Variants in CCDC146 observed in about 807,000 individuals in gnomAD.
The protein encoded by CCDC146 is coiled-coil domain containing 146.
A neutral mutation model predicts 119.3 loss-of-function variants in CCDC146; 92 were observed. The observed-to-expected ratio is 0.77, with a 90% CI of 0.65 to 0.92. CCDC146 has a LOEUF of 0.92. CCDC146 is among the 40% of genes least tolerant of loss of function. The probability of loss-of-function intolerance (pLI) is 0.00; values close to 1 mark genes in which losing one functional copy is unlikely to be tolerated. For synonymous variants in CCDC146, 372 were observed against 371.8 expected (o/e 1.00, Z -0.01); for missense variants, 1,000 against 1,103.0 (o/e 0.91, Z 1.32).
intron 2 of CCDC146, among the ~76,000 whole-genome samples, chr7:77,179,711 CA>C (rs997818760): frequency 6.6e-6 from 1 of 151,324 alleles, no homozygotes; most frequent in Non-Finnish European, 1.5e-5. Context: ...TTTGCTCGTT[CA>C]AAAAAAACCT....
At chr7:77,222,822 G>A (rs1011991142) in intron 2 of CCDC146, among the ~76,000 whole-genome samples, 2 of 152,216 alleles carry the variant, frequency 1.3e-5, no homozygotes, top group African/African-American at 4.8e-5. Context: ...TGCACCGGTG[G>A]TGGAGCCTCT....
intron 2 of CCDC146, among the ~76,000 whole-genome samples, chr7:77,188,498 C>T (rs1431334320): frequency 6.6e-6 from 1 of 152,144 alleles, no homozygotes; most frequent in Non-Finnish European, 1.5e-5. Flanking sequence ...AAAGGTTTTT[C>T]GATCTGTGCC....
chr7:77,133,255 C>A lies in CCDC146; in HGVS notation c.-12+10523C>A, dbSNP rs145267588. ...AACTTGAAAGAGAAGAGAACCTCCT[C>A]CAACAACAGGCATCTGTGAAAAATT... On this transcript the variant is annotated intron_variant, in intron 1 of 18. Transcript: ENST00000285871. 2.7e-3 allele frequency among the ~76,000 whole-genome samples: 413 copies of A among 152,320 alleles called. 6 individuals carry two copies. In the East Asian group the frequency reaches 0.031, roughly 12 times the overall value.
At chr7:77,208,526 A>G (rs117447443) in intron 2 of CCDC146, among the ~76,000 whole-genome samples, 2 of 152,364 alleles carry the variant, frequency 1.3e-5, no homozygotes, top group Non-Finnish European at 2.9e-5. Flanking sequence ...TTATGGCACC[A>G]CCATCCTATA....
chr7:77,278,578 T>G (rs1323863750), intron 11 of CCDC146, among the ~76,000 whole-genome samples, 174 bp from the exon 12 acceptor site: 1 of 151,732 alleles, frequency 6.6e-6, no homozygotes, highest in Non-Finnish European at 1.5e-5. Context: ...CCTGAGTAGC[T>G]GGGACTACAG....
chr7:77,122,960 G>T (rs569020476), intron 1 of CCDC146, among the ~76,000 whole-genome samples: 1 of 150,130 alleles, frequency 6.7e-6, no homozygotes, highest in African/African-American at 2.5e-5. Flanking sequence ...GCTCCGTCCT[G>T]ACCCTAAGTG....
intron 2 of CCDC146, among the ~76,000 whole-genome samples, chr7:77,211,669 G>A (rs1792187016): frequency 6.6e-6 from 1 of 151,968 alleles, no homozygotes; most frequent in East Asian, 1.9e-4. Flanking sequence ...AGGCTGGAGT[G>A]CAGTGGCGTG....
chr7:77,186,294 A>T (rs1304839665), intron 2 of CCDC146, among the ~76,000 whole-genome samples: 1 of 152,176 alleles, frequency 6.6e-6, no homozygotes, highest in Non-Finnish European at 1.5e-5. Flanking sequence ...CACACTATAG[A>T]GTACTATACA....
chr7:77,175,987 C>T (rs923592952), intron 2 of CCDC146, among the ~76,000 whole-genome samples: 2 of 151,126 alleles, frequency 1.3e-5, no homozygotes, highest in South Asian at 4.2e-4. Flanking sequence ...GAAAGGGAGG[C>T]TTGACTGCTG....
At chr7:77,188,602 C>G (rs1791708406) in intron 2 of CCDC146, among the ~76,000 whole-genome samples, 2 of 152,118 alleles carry the variant, frequency 1.3e-5, no homozygotes, top group Admixed American at 6.6e-5. Flanking sequence ...ACCCCACTCT[C>G]CTAAGGTGGT....
intron 1 of CCDC146, among the ~76,000 whole-genome samples, chr7:77,133,120 G>A (rs1437412968): frequency 6.6e-6 from 1 of 151,878 alleles, no homozygotes; most frequent in Non-Finnish European, 1.5e-5. Flanking sequence ...GCGGTGAACC[G>A]AGATCACGCC....
In CCDC146 at chr7:77,262,168, A is replaced by G. The variant is rs1109968; in HGVS notation, c.1034A>G (p.Asn345Ser). Residue 345 changes from asparagine (N) to serine (S), a missense_variant, in exon 9 of 19, where the codon AAC (asparagine) becomes AGC (serine). Coordinates refer to ENST00000285871, the MANE Select transcript of CCDC146 (RefSeq NM_020879.3). The part of the protein sequence containing the change: ...NLRNSLIDKQ[N>S]YHDELSRKQR... Reference sequence around the variant, plus strand: ...CGCAACAGTCTCATTGACAAGCAGAACTACCATGATGAACTTTCTCGTAAG... The same window carrying G: ...CGCAACAGTCTCATTGACAAGCAGAGCTACCATGATGAACTTTCTCGTAAG... 115,673 of 1,613,112 alleles carry G rather than the reference A, an allele frequency of 0.072. 9,565 individuals are homozygous for G. Among genetic ancestry groups the G allele is most frequent in the East Asian group, 0.43 (19,260 of 44,826 alleles).
chr7:77,233,097 T>TG (rs910469369), intron 2 of CCDC146, among the ~76,000 whole-genome samples: 3 of 151,122 alleles, frequency 2.0e-5, no homozygotes, highest in South Asian at 2.1e-4. Context: ...TTTGTTTGTT[T>TG]TTTTTTTTTT....
intron 1 of CCDC146, among the ~76,000 whole-genome samples, chr7:77,150,142 T>C (rs1791088952): frequency 6.6e-6 from 1 of 151,492 alleles, no homozygotes. Flanking sequence ...TTGACAAAGA[T>C]TTTTTTTTAA....
At chr7:77,254,911 A>C (rs1793149407) in intron 5 of CCDC146, among the ~76,000 whole-genome samples, 1 of 152,234 alleles carries the variant, frequency 6.6e-6, no homozygotes, top group Admixed American at 6.5e-5. Flanking sequence ...TATTACAACA[A>C]ATTTTTACAA....
chr7:77,238,359 G>T (rs2150484792), intron 3 of CCDC146, among the ~76,000 whole-genome samples: 1 of 152,200 alleles, frequency 6.6e-6, no homozygotes, highest in African/African-American at 2.4e-5. Flanking sequence ...CAGTTCTCTG[G>T]GCATCCCTCC....
chr7:77,196,727 A>G lies in CCDC146; in HGVS notation c.156+28903A>G, dbSNP rs752637532. The G allele has an allele frequency of 6.2e-7, 1 of 1,614,186 alleles. No individual in the cohort carries two copies. The highest frequency in any genetic ancestry group is 8.5e-7 in the Non-Finnish European group (1 of 1,180,016). ...AATCATTTCCTTACTCTTGGTCAGA[A>G]GATGAATTTTATCGTTCCCCAGCCA... On this transcript the variant is annotated intron_variant, in intron 2 of 18. Transcript: ENST00000285871. The surrounding 1 kb of genome is among the most constrained non-coding windows in gnomAD (Gnocchi z 4.2).
intron 1 of CCDC146, among the ~76,000 whole-genome samples, chr7:77,149,754 G>A (rs1297761240): frequency 6.7e-6 from 1 of 148,730 alleles, no homozygotes; most frequent in Non-Finnish European, 1.5e-5. Flanking sequence ...GACAGAGCAA[G>A]ACTCTGTCTC....
chr7:77,164,969 CAAGAG>C (rs1227797527), intron 1 of CCDC146, among the ~76,000 whole-genome samples: 5 of 152,236 alleles, frequency 3.3e-5, no homozygotes, highest in African/African-American at 1.2e-4. Context: ...TCTTCTCTGG[CAAGAG>C]AAGAGTGTAA....
Sources: allele counts gnomAD v4.1 joint callset (sites outside exome capture counted in the v4.1 genomes callset), GRCh38; gene constraint gnomAD v4.1.1; non-coding constraint Gnocchi (gnomAD v3.1); transcripts MANE v1.5; gene names NCBI Gene and HGNC (gene_info 2026-07-23, HGNC 2026-07-21).